WASHC4: variants seen among roughly 807,000 people sequenced by gnomAD.
WASHC4 encodes the protein WASH complex subunit 7.
WASHC4 carries 86 observed loss-of-function variants against 166.6 expected under a neutral mutation model. The observed-to-expected ratio is 0.52, with a 90% CI of 0.43 to 0.62. The LOEUF is 0.62. Among genes scored for constraint, WASHC4 ranks in the 20% least tolerant of loss-of-function variants. WASHC4 has a pLI of 0.00. For synonymous variants in WASHC4, 446 were observed against 451.6 expected (o/e 0.99, Z 0.16); for missense variants, 1,262 against 1,382.4 (o/e 0.91, Z 1.38).
chr12:105,141,186 A>G lies in WASHC4; in HGVS notation c.1727A>G (p.Glu576Gly). 1 of 1,613,586 alleles carries G rather than the reference A, an allele frequency of 6.2e-7. No individual in the cohort carries two copies. Among genetic ancestry groups the G allele is most frequent in the South Asian group, 1.1e-5 (1 of 91,058 alleles). The change falls in exon 18 of 33, where the codon GAA becomes GGA. Residue 576 changes from glutamate to glycine, a missense_variant. Glu to Gly is a moderately conservative substitution (Grantham distance 98, BLOSUM62 -2). Transcript: ENST00000332180. The stretch of plus-strand genomic sequence containing the variant: ...TGATAGAAAACATTTAAAGATGAAG[A>G]ACTCTTTCCACTTCAAGTAGTCATG... ...GTQMKTFKDE[E>G]LFPLQVVMKK...
At chr12:105,144,533 A>C in intron 21 of WASHC4, 78 bp downstream of exon 21, 2 of 1,306,270 alleles carry the variant, frequency 1.5e-6, no homozygotes, top group Admixed American at 2.1e-5. Flanking sequence ...CAAAACTTTG[A>C]GGGTATATTT....
At chr12:105,125,639 C>T (rs1014325177) in intron 10 of WASHC4, among the ~76,000 whole-genome samples, 13 of 152,008 alleles carry the variant, frequency 8.6e-5, no homozygotes, top group Non-Finnish European at 1.3e-4. Context: ...TAATAAAGTG[C>T]TAGGAAAGTA....
chr12:105,130,689 C>T (rs1881717405), intron 13 of WASHC4, among the ~76,000 whole-genome samples: 1 of 137,078 alleles, frequency 7.3e-6, no homozygotes, highest in South Asian at 2.7e-4. Context: ...CAATGGAGAG[C>T]AATGAGCAAC....
At chr12:105,152,535 A>G in intron 26 of WASHC4, 84 bp downstream of exon 26, 1 of 835,208 alleles carries the variant, frequency 1.2e-6, no homozygotes, top group Non-Finnish European at 2.1e-6. Flanking sequence ...ACTAATAAGC[A>G]GCTCATGTGA....
At chr12:105,145,598 CT>C (rs1883226894) in intron 22 of WASHC4, among the ~76,000 whole-genome samples, 1 of 151,792 alleles carries the variant, frequency 6.6e-6, no homozygotes, top group Non-Finnish European at 1.5e-5. Flanking sequence ...TGAGAACATG[CT>C]AGGCACTGAA....
chr12:105,160,259 G>C, intron 29 of WASHC4, 111 bp downstream of exon 29: 1 of 906,518 alleles, frequency 1.1e-6, no homozygotes, highest in South Asian at 1.5e-5. Flanking sequence ...TTAATTTCCT[G>C]GTTGCATATA....
At chr12:105,118,371 T>G in intron 6 of WASHC4, 75 bp from the exon 7 acceptor site, 1 of 1,047,174 alleles carries the variant, frequency 9.5e-7, no homozygotes, top group Non-Finnish European at 1.5e-6. Context: ...GTTAGAGTTG[T>G]TACCATAAAA....
At chr12:105,139,469 A>G (rs1882631663) in intron 15 of WASHC4, among the ~76,000 whole-genome samples, 1 of 137,410 alleles carries the variant, frequency 7.3e-6, no homozygotes, top group African/African-American at 2.6e-5. Flanking sequence ...GCCTCCCACA[A>G]TACATTAGAA....
chr12:105,120,618 C>T, intron 8 of WASHC4, 21 bp downstream of exon 8: 1 of 1,546,432 alleles, frequency 6.5e-7, no homozygotes, highest in Admixed American at 1.7e-5. Context: ...TTTAGCTTGA[C>T]CTGTAAAACT....
intron 26 of WASHC4, among the ~76,000 whole-genome samples, chr12:105,153,457 A>C (rs907337964): frequency 2.6e-5 from 4 of 152,232 alleles, no homozygotes; most frequent in African/African-American, 9.6e-5. Flanking sequence ...ACCTTTGTAA[A>C]TGTTTTATTA....
intron 15 of WASHC4, among the ~76,000 whole-genome samples, chr12:105,139,881 T>G (rs1882670385): frequency 6.6e-6 from 1 of 152,104 alleles, no homozygotes; most frequent in East Asian, 1.9e-4. Context: ...TTCTATACTT[T>G]GTAAGTTTTT....
Position 105,147,135 on chromosome 12 carries a change from A to G in WASHC4, c.2503A>G (p.Met835Val), listed in dbSNP as rs757892068. 2 of 1,594,012 alleles carry G rather than the reference A, an allele frequency of 1.3e-6. No individual in the cohort carries two copies. Among genetic ancestry groups the G allele is most frequent in the Non-Finnish European group, 1.7e-6 (2 of 1,161,630 alleles). The change falls in exon 24 of 33, where the codon ATG becomes GTG. Residue 835 changes from methionine to valine, a missense_variant. Met to Val is a conservative substitution (Grantham distance 21). Transcript: ENST00000332180. ...AATTCGAACACATGGCACGGGAATT[A>G]TGAATACAACTGTAAGAACTTTTCT... ...NSIRTHGTGI[M>V]NTTVNFTYQF... is the part of the protein sequence containing the mutation.
chr12:105,163,174 G>A (rs1455566788), intron 30 of WASHC4, among the ~76,000 whole-genome samples: 2 of 152,066 alleles, frequency 1.3e-5, no homozygotes, highest in Admixed American at 1.3e-4. Context: ...TAGCCAGGAT[G>A]GTCTCGATCT....
chr12:105,119,077 C>T (rs1468531492), intron 7 of WASHC4, among the ~76,000 whole-genome samples: 2 of 152,102 alleles, frequency 1.3e-5, no homozygotes, highest in Non-Finnish European at 2.9e-5. Flanking sequence ...ACAAAGAGAA[C>T]AGTGAGTTCA....
At chr12:105,138,173 A>G (rs992160467) in intron 15 of WASHC4, among the ~76,000 whole-genome samples, 162 bp downstream of exon 15, 7 of 152,248 alleles carry the variant, frequency 4.6e-5, no homozygotes, top group African/African-American at 7.2e-5. Flanking sequence ...ATTTAAATAA[A>G]TTTCTGAGTA....
Position 105,121,099 on chromosome 12 carries a change from AGACT to A in WASHC4, c.562-1_564del. ...TGATAATCATTAAAGGTTTTTTGAC[AGACT>A]ATGTATGAGCACTTGGGAGAACTGC... On this transcript the variant is annotated splice_acceptor_variant and coding_sequence_variant, in exon 9 of 33. Transcript: ENST00000332180. LOFTEE classifies it high-confidence loss of function. 1 of 1,606,212 alleles carries A rather than the reference AGACT, an allele frequency of 6.2e-7. No individual in the cohort carries two copies. The highest frequency in any genetic ancestry group is 1.3e-5 in the African/African-American group (1 of 74,880).
In WASHC4 at chr12:105,169,004, C is replaced by T. The variant is rs1228073637; in HGVS notation, c.*2073C>T. ...AATTAAGGACTCACCATAACATTGT[C>T]AGTTCTAATGAAATTTTGTAAAAGA... On this transcript the variant is annotated 3_prime_UTR_variant, in exon 33 of 33. Transcript: ENST00000332180. The T allele has an allele frequency of 6.6e-6, 1 of 152,518 alleles. No homozygotes were observed. The highest frequency in any genetic ancestry group is 1.5e-5 in the Non-Finnish European group (1 of 67,988). 9.4% of individuals were successfully genotyped at this position (152,518 alleles called of 1,614,324 possible). A position where few individuals can be genotyped will look rare whatever the true frequency, so the allele number is the denominator to read the frequency against.
Position 105,166,861 on chromosome 12 carries a change from C to G in WASHC4, c.3455-3C>G, listed in dbSNP as rs1161956098. On this transcript the variant is annotated splice_region_variant and splice_polypyrimidine_tract_variant and intron_variant, in intron 32 of 32. Transcript: ENST00000332180. ...CCATTATTATTTTCACTCATGCTTT[C>G]AGAAGAAACTAAAACAAGCAATGGA... is the stretch of plus-strand genomic sequence containing the variant. The G allele has an allele frequency of 6.3e-7, 1 of 1,590,476 alleles. No individual in the cohort carries two copies. The highest frequency in any genetic ancestry group is 1.1e-5 in the South Asian group (1 of 90,672).
At chr12:105,108,890 C>T (rs1879359645) in intron 1 of WASHC4, among the ~76,000 whole-genome samples, 1 of 152,168 alleles carries the variant, frequency 6.6e-6, no homozygotes, top group Non-Finnish European at 1.5e-5. Context: ...GAGCTACATC[C>T]AGGATGGGTT....
Sources: allele counts gnomAD v4.1 joint callset (sites outside exome capture counted in the v4.1 genomes callset), GRCh38; gene constraint gnomAD v4.1.1; transcripts MANE v1.5; gene names NCBI Gene and HGNC (gene_info 2026-07-23, HGNC 2026-07-21).